Variants in PCSK6 observed in about 807,000 individuals in gnomAD.
The protein encoded by PCSK6 is paired basic amino acid cleaving enzyme 4.
A neutral mutation model predicts 123.3 loss-of-function variants in PCSK6; 85 were observed. The observed-to-expected ratio is 0.69, with a 90% confidence interval of 0.58 to 0.83. PCSK6 has a LOEUF of 0.83. Among genes scored for constraint, PCSK6 ranks in the 40% least tolerant of loss-of-function variants. PCSK6 has a pLI of 0.00. For synonymous variants in PCSK6, 508 were observed against 516.0 expected (o/e 0.98, Z 0.21); for missense variants, 1,191 against 1,282.3 (o/e 0.93, Z 1.09).
intron 13 of PCSK6, among the ~76,000 whole-genome samples, chr15:101,335,253 C>A (rs1465935934): frequency 1.3e-5 from 2 of 152,214 alleles, no homozygotes; most frequent in African/African-American, 4.8e-5. Context: ...AGCCACGCGC[C>A]CAGCCTGTTT....
At chr15:101,393,482 TC>T (rs2042297781) in intron 7 of PCSK6, 58 bp from the exon 8 acceptor site, 12 of 1,395,776 alleles carry the variant, frequency 8.6e-6, no homozygotes, top group African/African-American at 4.3e-5. Flanking sequence ...AGGGTGGGTC[TC>T]CCCCCGAACC....
At chr15:101,394,854 C>T (rs1253412375) in intron 7 of PCSK6, among the ~76,000 whole-genome samples, 2 of 152,188 alleles carry the variant, frequency 1.3e-5, no homozygotes, top group East Asian at 1.9e-4. Context: ...CACGCAGCCC[C>T]GCTGCTTAAG....
rs189249211 is a variant in PCSK6, at chr15:101,384,403, C to T, written c.1333G>A (p.Val445Ile). The change falls in exon 10 of 22, where the codon GTC becomes ATC. Residue 445 changes from valine to isoleucine, a missense_variant. Transcript: ENST00000611716. ...GATGTCTTCACTAGCAGGTGCTGGACGTCCCTCCAGGTTAACTGGCTGCTG... is the reference window on the plus strand; with the variant it reads ...GATGTCTTCACTAGCAGGTGCTGGATGTCCCTCCAGGTTAACTGGCTGCTG... Reference protein sequence around the residue: ...EANSQLTWRDVQHLLVKTSRP... With the variant: ...EANSQLTWRDIQHLLVKTSRP... 3.3e-5 allele frequency: 54 copies of T among 1,613,748 alleles called. No homozygotes were observed. Among genetic ancestry groups the T allele is most frequent in the Middle Eastern group, 1.7e-4 (1 of 6,056 alleles).
intron 9 of PCSK6, among the ~76,000 whole-genome samples, chr15:101,388,282 G>A (rs1453505867): frequency 6.6e-6 from 1 of 152,166 alleles, no homozygotes; most frequent in Non-Finnish European, 1.5e-5. Context: ...TGAGTGTTAC[G>A]CTCAGTTTGT....
At chr15:101,442,467 G>C (rs139495953) in intron 2 of PCSK6, among the ~76,000 whole-genome samples, 3 of 152,034 alleles carry the variant, frequency 2.0e-5, no homozygotes, top group African/African-American at 7.3e-5. Context: ...CTCACCATGC[G>C]ATGCCCCAGA....
At chr15:101,423,983 G>A (rs932048073) in intron 6 of PCSK6, among the ~76,000 whole-genome samples, 1 of 152,228 alleles carries the variant, frequency 6.6e-6, no homozygotes, top group African/African-American at 2.4e-5. Context: ...AGCACTTTGG[G>A]AGGCTGAGGT....
Position 101,370,502 on chromosome 15 carries a change from C to A in PCSK6, c.1554G>T (p.Val518=). ...KRPRSIPLVQ[V]LRTTALTSAC... ...CGCTGGTCAGGGCCGTAGTCCGCAGCACCTGCACTAAGGGGATGCTCCTGG... is the reference window on the plus strand; with the variant it reads ...CGCTGGTCAGGGCCGTAGTCCGCAGAACCTGCACTAAGGGGATGCTCCTGG... Residue 518 remains valine, a synonymous_variant, in exon 12 of 22, where the codon GTG becomes GTT. Transcript: ENST00000611716. The A allele has an allele frequency of 6.6e-7, 1 of 1,524,634 alleles. No homozygotes were observed. The highest frequency in any genetic ancestry group is 1.2e-5 in the South Asian group (1 of 80,596). 94.4% of individuals were successfully genotyped at this position (1,524,634 alleles called of 1,614,324 possible). A position where few individuals can be genotyped will look rare whatever the true frequency, so the allele number is the denominator to read the frequency against.
chr15:101,423,312 T>G (rs2056146291), intron 6 of PCSK6, among the ~76,000 whole-genome samples: 1 of 151,122 alleles, frequency 6.6e-6, no homozygotes. Context: ...CAGGCTGGAA[T>G]GCAGTGGTAT....
intron 6 of PCSK6, among the ~76,000 whole-genome samples, chr15:101,411,267 C>T (rs553806272): frequency 2.6e-5 from 4 of 152,250 alleles, no homozygotes; most frequent in East Asian, 1.9e-4. Flanking sequence ...AAACAGGCCT[C>T]GGAGTAAGGA....
chr15:101,372,990 C>T lies in PCSK6; in HGVS notation c.1533-2467G>A, dbSNP rs558434704. The stretch of plus-strand genomic sequence containing the variant: ...TTGATAAGGCACAGGGATGAGAGAA[C>T]GGGAGCAGGGTAATTACAAGTGAAA... On this transcript the variant is annotated intron_variant, in intron 11 of 21. Coordinates refer to ENST00000611716, the MANE Select transcript of PCSK6 (RefSeq NM_002570.5). 6.6e-5 allele frequency among the ~76,000 whole-genome samples: 10 copies of T among 151,654 alleles called. No homozygotes were observed. In the East Asian group the frequency reaches 1.6e-3, roughly 24 times the overall value.
Position 101,326,626 on chromosome 15 carries a change from G to T in PCSK6, c.2078-147C>A, listed in dbSNP as rs991539539. ...CTGGGGCTGGACGGCCAGACGACAA[G>T]GCGGGAGCAGCCGTCCCTGCGGGTA... On this transcript the variant is annotated intron_variant, in intron 15 of 21. Transcript: ENST00000611716. The T allele has an allele frequency of 5.9e-5, 42 of 717,250 alleles. No homozygotes were observed. The South Asian group carries it at 7.3e-4, about 12-fold the overall frequency. The allele number at this position is 717,250 out of a possible 1,614,324, so 44.4% of individuals were successfully genotyped here.
intron 1 of PCSK6, among the ~76,000 whole-genome samples, chr15:101,488,226 G>A (rs1266739868): frequency 6.6e-6 from 1 of 152,228 alleles, no homozygotes; most frequent in Non-Finnish European, 1.5e-5. Context: ...TTATGAGTCG[G>A]TGCTTCCCTG....
chr15:101,378,897 G>T (rs1198885540), intron 11 of PCSK6, among the ~76,000 whole-genome samples: 1 of 152,254 alleles, frequency 6.6e-6, no homozygotes, highest in African/African-American at 2.4e-5. Context: ...GAAGGGGACT[G>T]TGTCTGGTGG....
intron 6 of PCSK6, among the ~76,000 whole-genome samples, chr15:101,421,737 G>A (rs1466692498): frequency 6.6e-6 from 1 of 152,190 alleles, no homozygotes; most frequent in Non-Finnish European, 1.5e-5. Flanking sequence ...AACTTCACCA[G>A]TGACCCTGAA....
intron 1 of PCSK6, among the ~76,000 whole-genome samples, chr15:101,448,745 C>A (rs2056956518): frequency 6.6e-6 from 1 of 152,198 alleles, no homozygotes; most frequent in Admixed American, 6.5e-5. Context: ...GAACCTTCTG[C>A]CTCTCGGCAT....
chr15:101,373,032 C>T (rs1174627871), intron 11 of PCSK6, among the ~76,000 whole-genome samples: 1 of 151,876 alleles, frequency 6.6e-6, no homozygotes, highest in Non-Finnish European at 1.5e-5. Context: ...CAAGCCCCAC[C>T]TCTCACCTGC....
chr15:101,479,009 C>T (rs1395017218), intron 1 of PCSK6, among the ~76,000 whole-genome samples: 3 of 152,230 alleles, frequency 2.0e-5, no homozygotes, highest in Non-Finnish European at 4.4e-5. Context: ...TTCTCATTCA[C>T]TAAACCTTCT....
chr15:101,330,123 C>T (rs755867), intron 15 of PCSK6, among the ~76,000 whole-genome samples: 41,716 of 152,110 alleles, frequency 0.27, 7,333 homozygotes, highest in African/African-American at 0.48. Flanking sequence ...ACAAAGTTGT[C>T]CACCTTCAGA....
intron 1 of PCSK6, among the ~76,000 whole-genome samples, chr15:101,457,764 C>T (rs77470007): frequency 6.6e-6 from 1 of 152,168 alleles, no homozygotes; most frequent in Non-Finnish European, 1.5e-5. Context: ...GCCCTGGCCA[C>T]CCCTCTGGGT....
Sources: gnomAD v4.1 joint callset for allele counts (sites outside exome capture counted in the v4.1 genomes callset) on GRCh38, gnomAD v4.1.1 for gene constraint, MANE v1.5 for transcripts, NCBI Gene and HGNC (gene_info 2026-07-23, HGNC 2026-07-21) for gene names.